ABLIM2: variants seen among roughly 807,000 people sequenced by gnomAD.
The protein encoded by ABLIM2 is actin binding LIM protein family member 2, also known as actin-binding LIM protein 2.
In ABLIM2, 53 loss-of-function variants were observed where a neutral mutation model predicts 97.7. That is an observed-to-expected ratio of 0.54 (90% CI 0.44 to 0.68). The LOEUF (loss-of-function observed/expected upper bound fraction) is 0.68. Among genes scored for constraint, ABLIM2 ranks in the 30% least tolerant of loss-of-function variants. The pLI is 0.00. For synonymous variants in ABLIM2, 361 were observed against 345.8 expected, an observed-to-expected ratio of 1.04 and a Z score of -0.49; for missense variants, 835 against 867.2, an observed-to-expected ratio of 0.96 and a Z score of 0.47.
chr4:8,015,314 A>G lies in ABLIM2; in HGVS notation c.1423+4304T>C, dbSNP rs1436192501. Among the ~76,000 whole-genome samples the G allele has an allele frequency of 6.6e-6, 1 of 152,076 alleles. No homozygotes were observed. Among genetic ancestry groups the G allele is most frequent in the Non-Finnish European group, 1.5e-5 (1 of 68,012 alleles). ...TTTGTATCACACAGACAGTTCCTTC[A>G]GAGCCCCAAAATGCGTCGGCCATGA... On this transcript the variant is annotated intron_variant, in intron 14 of 20. Coordinates refer to ENST00000447017, the MANE Select transcript of ABLIM2 (RefSeq NM_001130083.2). This position sits in a 1 kb window ranked among gnomAD's most constrained non-coding sequence, Gnocchi z 4.6.
rs756722740 is a variant in ABLIM2, at chr4:8,097,223, T to C, written c.214A>G (p.Thr72Ala). 6 of 1,582,948 alleles carry C rather than the reference T, an allele frequency of 3.8e-6. No individual in the cohort carries two copies. The Admixed American group carries it at 9.1e-5, about 24-fold the overall frequency. Residue 72 changes from threonine to alanine, a missense_variant, in exon 3 of 21, where the codon ACG (threonine) becomes GCG (alanine). Physicochemically the swap from Thr to Ala is moderately conservative, Grantham distance 58. Transcript: ENST00000447017. ...FFVRQGEYIC[T>A]LDYQRLYGTR... ...CCGTAGAGCCTCTGGTAGTCCAGCG[T>C]GCAGATGTACTCGCCCTGCCGCACG...
intron 20 of ABLIM2, among the ~76,000 whole-genome samples, chr4:7,978,882 G>C (rs1431586646): frequency 3.7e-4 from 57 of 152,212 alleles, no homozygotes; most frequent in Admixed American, 3.7e-3. Flanking sequence ...GGTCCCATGT[G>C]ATGGTAGGCA....
At chr4:7,987,068 T>C (rs115205153) in intron 17 of ABLIM2, among the ~76,000 whole-genome samples, 6,120 of 152,266 alleles carry the variant, frequency 0.04, 234 homozygotes, top group African/African-American at 0.1. Context: ...TTGCAACCTC[T>C]GCTTCCTGGG....
Position 8,075,789 on chromosome 4 carries a change from C to T in ABLIM2, c.675+1839G>A, listed in dbSNP as rs1472616846. Among the ~76,000 whole-genome samples the T allele has an allele frequency of 1.3e-5, 2 of 152,086 alleles. No individual in the cohort carries two copies. The highest frequency in any genetic ancestry group is 4.8e-5 in the African/African-American group (2 of 41,396). ...GCTATTTAAAAAGACCCCACAATAC[C>T]AAAAGAAGAAATGCTTATGGGGAGT... On this transcript the variant is annotated intron_variant, in intron 6 of 20. Transcript: ENST00000447017. The surrounding 1 kb of genome is among the most constrained non-coding windows in gnomAD (Gnocchi z 4.4).
rs60992903 is a variant in ABLIM2, at chr4:8,056,112, C to CAAAAAAAAAAAAAAAA, written c.764-1882_764-1867dup. On this transcript the variant is annotated intron_variant, in intron 7 of 20. Transcript: ENST00000447017. ...TGGGTAACAGAGCAAGACTCTGTCT[C>CAAAAAAAAAAAAAAAA]AAAAAAAAAAAAAAAAAAAAAAAAA... Among the ~76,000 whole-genome samples, 141 of 68,332 alleles carry CAAAAAAAAAAAAAAAA rather than the reference C, an allele frequency of 2.1e-3. 3 individuals are homozygous for CAAAAAAAAAAAAAAAA. The highest frequency in any genetic ancestry group is 2.6e-3 in the Non-Finnish European group (93 of 35,712). 44.8% of individuals were successfully genotyped at this position (68,332 alleles called of 152,430 possible).
In ABLIM2 at chr4:8,087,981, C is replaced by G. The variant is rs1006999005; in HGVS notation, c.454+188G>C. Among the ~76,000 whole-genome samples the G allele has an allele frequency of 1.7e-5, 2 of 120,454 alleles. No homozygotes were observed. The highest frequency in any genetic ancestry group is 6.0e-4 in the East Asian group (2 of 3,328). The allele number at this position is 120,454 out of a possible 152,430, so 79.0% of individuals were successfully genotyped here. The stretch of plus-strand genomic sequence containing the variant: ...CAGAGACCAAGCCCCCAACTCAGCA[C>G]CCCCCCCACAACCAGCAAGCCCCCA... On this transcript the variant is annotated intron_variant, in intron 4 of 20. Coordinates refer to ENST00000447017, the MANE Select transcript of ABLIM2 (RefSeq NM_001130083.2). The surrounding 1 kb of genome is among the most constrained non-coding windows in gnomAD (Gnocchi z 4.6).
At chr4:8,081,394 T>TC (rs772902732) in intron 4 of ABLIM2, among the ~76,000 whole-genome samples, 1 of 152,204 alleles carries the variant, frequency 6.6e-6, no homozygotes, top group Non-Finnish European at 1.5e-5. Flanking sequence ...TTGTCCTGTG[T>TC]CCCAGGGCCT....
At chr4:8,096,781 C>A (rs765719309) in intron 3 of ABLIM2, among the ~76,000 whole-genome samples, 1 of 152,112 alleles carries the variant, frequency 6.6e-6, no homozygotes, top group Admixed American at 6.5e-5. Flanking sequence ...GAGGTGCAGG[C>A]GGAGCGGGGC....
At position 7,967,073 on chromosome 4, in the gene ABLIM2, C is replaced by T. The variant is rs1314651758; in HGVS notation, c.1855G>A (p.Val619Met). The change falls in exon 21 of 21, where the codon GTG becomes ATG. Residue 619 changes from valine (V) to methionine (M), a missense_variant. Val to Met is a conservative substitution (Grantham distance 21). Transcript: ENST00000447017. ...AACTCCTCGATGCTCATCCCAAACA[C>T]TTCCTGGAACTCCTCGGGCGACAAG... ...RHLSPEEFQEVFGMSIEEFDR... is the reference protein window; with the variant it reads ...RHLSPEEFQEMFGMSIEEFDR... 3.7e-6 allele frequency: 6 copies of T among 1,613,758 alleles called. 1 individual carries two copies. The highest frequency in any genetic ancestry group is 3.3e-5 in the Admixed American group (2 of 60,008).
Position 8,023,551 on chromosome 4 carries a change from G to A in ABLIM2, c.1268-3248C>T, listed in dbSNP as rs1775369089. Among the ~76,000 whole-genome samples, 1 of 152,200 alleles carries A rather than the reference G, an allele frequency of 6.6e-6. No homozygotes were observed. The highest frequency in any genetic ancestry group is 2.1e-4 in the South Asian group (1 of 4,826). ...TGGCCGTGGCGGCCTTGCTGACCGG[G>A]TCATGCTCGTCAGCCATGGTGGCCT... On this transcript the variant is annotated intron_variant, in intron 12 of 20. Transcript: ENST00000447017. This position sits in a 1 kb window ranked among gnomAD's most constrained non-coding sequence, Gnocchi z 5.7.
rs560589078 is a variant in ABLIM2 at position 8,004,237 on chromosome 4, G to T, written c.1618+3822C>A. On this transcript the variant is annotated intron_variant, in intron 16 of 20. Transcript: ENST00000447017. The surrounding 1 kb of genome is among the most constrained non-coding windows in gnomAD (Gnocchi z 5.9). ...CACCTCCCACCAGACATGGGACTCC[G>T]CCCGGTCCCACAGCGAGAGGACACA... Among the ~76,000 whole-genome samples the T allele has an allele frequency of 6.6e-6, 1 of 151,828 alleles. No homozygotes were observed. The highest frequency in any genetic ancestry group is 2.4e-5 in the African/African-American group (1 of 41,326).
chr4:8,034,798 G>A (rs1459377327), intron 10 of ABLIM2, among the ~76,000 whole-genome samples: 4 of 78,622 alleles, frequency 5.1e-5, no homozygotes, highest in Non-Finnish European at 7.6e-5. Context: ...TGGGTGGTGG[G>A]TGGTAGGTAG....
chr4:8,152,955 G>A (rs1174580573), intron 1 of ABLIM2, among the ~76,000 whole-genome samples: 3 of 152,176 alleles, frequency 2.0e-5, no homozygotes, highest in Admixed American at 6.5e-5. Flanking sequence ...TAGGTTTTAC[G>A]GAGCCCTACC....
In ABLIM2 at chr4:7,996,383, C is replaced by A. The variant is rs189625955; in HGVS notation, c.1619-3456G>T. On this transcript the variant is annotated intron_variant, in intron 16 of 20. Transcript: ENST00000447017. The surrounding 1 kb of genome is among the most constrained non-coding windows in gnomAD (Gnocchi z 4.5). ...CTCTACCTGCCTGCCCCTGGAGTCA[C>A]CTGGACAGCGTGCCAGGTTCCCAGT... is the stretch of plus-strand genomic sequence containing the variant. Among the ~76,000 whole-genome samples, 7 of 152,326 alleles carry A rather than the reference C, an allele frequency of 4.6e-5. No individual in the cohort carries two copies. In the East Asian group the frequency reaches 1.4e-3, roughly 29 times the overall value.
chr4:8,086,324 T>C (rs1823597380), intron 4 of ABLIM2, among the ~76,000 whole-genome samples: 1 of 150,490 alleles, frequency 6.6e-6, no homozygotes, highest in Admixed American at 6.6e-5. Context: ...GATTCTGTGG[T>C]TGGTCATATT....
rs574180209 is a variant in ABLIM2, at chr4:8,068,687, G to A, written c.676-7633C>T. On this transcript the variant is annotated intron_variant, in intron 6 of 20. Transcript: ENST00000447017. This position sits in a 1 kb window ranked among gnomAD's most constrained non-coding sequence, Gnocchi z 4.5. Reference sequence around the variant, plus strand: ...CTGGAGAGCTGCCACACTTCCCCTTGCTTCTTCCCCGCTGCGGGCTCCCGC... The same window carrying A: ...CTGGAGAGCTGCCACACTTCCCCTTACTTCTTCCCCGCTGCGGGCTCCCGC... Among the ~76,000 whole-genome samples the A allele has an allele frequency of 6.6e-6, 1 of 152,190 alleles. No individual in the cohort carries two copies. Among genetic ancestry groups the A allele is most frequent in the Non-Finnish European group, 1.5e-5 (1 of 68,036 alleles).
At chr4:8,049,150 C>T (rs960793897) in intron 8 of ABLIM2, among the ~76,000 whole-genome samples, 1 of 152,360 alleles carries the variant, frequency 6.6e-6, no homozygotes, top group African/African-American at 2.4e-5. Flanking sequence ...GTTTGTCTCC[C>T]CCACCAGACA....
chr4:8,153,302 T>A (rs1049361681), intron 1 of ABLIM2, among the ~76,000 whole-genome samples: 7 of 152,160 alleles, frequency 4.6e-5, no homozygotes, highest in African/African-American at 1.7e-4. Flanking sequence ...TTCATCAAAC[T>A]CAAGACTTGA....
rs888070445 is a variant in ABLIM2 at position 7,966,458 on chromosome 4, C to A, written c.*532G>T. On this transcript the variant is annotated 3_prime_UTR_variant, in exon 21 of 21. Transcript: ENST00000447017. ...TGTCCCTAAAGAGACCCATCACAGA[C>A]GCCTGCAAAAATCACACACCCCACT... 2.6e-5 allele frequency: 4 copies of A among 154,058 alleles called. No individual in the cohort carries two copies. The highest frequency in any genetic ancestry group is 9.6e-5 in the African/African-American group (4 of 41,474). The allele number at this position is 154,058 out of a possible 1,614,324, so 9.5% of individuals were successfully genotyped here. A position where few individuals can be genotyped will look rare whatever the true frequency, so the allele number is the denominator to read the frequency against.
Sources: allele counts gnomAD v4.1 joint callset (sites outside exome capture counted in the v4.1 genomes callset), GRCh38; gene constraint gnomAD v4.1.1; non-coding constraint Gnocchi (gnomAD v3.1); transcripts MANE v1.5; gene names NCBI Gene and HGNC (gene_info 2026-07-23, HGNC 2026-07-21).